Variants in NRCAM observed in about 807,000 individuals in gnomAD.
The protein encoded by NRCAM is neuronal cell adhesion molecule.
Under a neutral mutation model 156.5 loss-of-function variants are expected in NRCAM, and 83 were observed. The observed-to-expected ratio is 0.53, with a 90% CI of 0.44 to 0.64. NRCAM has a LOEUF of 0.64. Ranked by LOEUF, NRCAM falls within the 30% of genes least tolerant of loss-of-function variation. The probability of loss-of-function intolerance (pLI) is 0.00; values close to 1 mark genes in which losing one functional copy is unlikely to be tolerated. For synonymous variants in NRCAM, 538 were observed against 563.9 expected, an observed-to-expected ratio of 0.95 and a Z score of 0.65; for missense variants, 1,417 against 1,597.3, an observed-to-expected ratio of 0.89 and a Z score of 1.92.
At chr7:108,202,409 A>G (rs1170288937) in intron 13 of NRCAM, among the ~76,000 whole-genome samples, 1 of 152,226 alleles carries the variant, frequency 6.6e-6, no homozygotes, top group East Asian at 1.9e-4. Context: ...AAACAGGCTA[A>G]TCATATAGTA....
At chr7:108,282,218 A>G (rs760460726) in intron 3 of NRCAM, among the ~76,000 whole-genome samples, 2 of 152,244 alleles carry the variant, frequency 1.3e-5, no homozygotes, top group Non-Finnish European at 1.5e-5. Context: ...CCAACAGAGA[A>G]TGTAAGCAGG....
intron 2 of NRCAM, among the ~76,000 whole-genome samples, chr7:108,345,916 A>T (rs1432126302): frequency 6.6e-6 from 1 of 152,190 alleles, no homozygotes; most frequent in African/African-American, 2.4e-5. Flanking sequence ...GGAGCCCAGG[A>T]GTCGATGGCA....
intron 1 of NRCAM, among the ~76,000 whole-genome samples, chr7:108,411,886 T>C (rs1388532994): frequency 6.6e-6 from 1 of 152,196 alleles, no homozygotes; most frequent in Non-Finnish European, 1.5e-5. Context: ...TTCGTAACCA[T>C]TCCACTGTTG....
chr7:108,367,043 T>C (rs1440932983), intron 2 of NRCAM, among the ~76,000 whole-genome samples: 1 of 152,224 alleles, frequency 6.6e-6, no homozygotes, highest in Non-Finnish European at 1.5e-5. Context: ...ACACCAAATG[T>C]TAAAATAGCA....
intron 30 of NRCAM, among the ~76,000 whole-genome samples, chr7:108,165,396 G>T (rs2053375420): frequency 6.6e-6 from 1 of 152,150 alleles, no homozygotes; most frequent in African/African-American, 2.4e-5. Flanking sequence ...TTGTTGTAAG[G>T]ACTGAATGAG....
At chr7:108,216,199 G>A (rs562548838) in intron 11 of NRCAM, among the ~76,000 whole-genome samples, 58 of 152,224 alleles carry the variant, frequency 3.8e-4, no homozygotes, top group Middle Eastern at 3.4e-3. Flanking sequence ...ATGAAATTCT[G>A]GGTTGAAAAT....
chr7:108,397,893 T>C lies in NRCAM; in HGVS notation c.-174+1543A>G, dbSNP rs151156438. On this transcript the variant is annotated intron_variant, in intron 2 of 32. Transcript: ENST00000379028. ...TAGGAAGAAAAATCCTAATTTATTA[T>C]GCCAAGAAAATAAGAAGAAATACTA... 3.8e-3 allele frequency among the ~76,000 whole-genome samples: 578 copies of C among 152,174 alleles called. 1 individual carries two copies. Among genetic ancestry groups the C allele is most frequent in the African/African-American group, 0.013 (547 of 41,528 alleles).
At chr7:108,157,713 G>A (rs2046385380) in intron 32 of NRCAM, among the ~76,000 whole-genome samples, 1 of 152,088 alleles carries the variant, frequency 6.6e-6, no homozygotes, top group African/African-American at 2.4e-5. Flanking sequence ...GCAGTTATCT[G>A]GGAAAGTCAC....
At chr7:108,287,063 T>A (rs1269689) in intron 3 of NRCAM, among the ~76,000 whole-genome samples, 142,754 of 152,206 alleles carry the variant, frequency 0.94, 66,994 homozygotes, top group East Asian at 1. Context: ...CGAAGAATCA[T>A]ACTGGACCCC....
chr7:108,187,334 C>G (rs899974206), intron 20 of NRCAM, among the ~76,000 whole-genome samples: 3 of 152,198 alleles, frequency 2.0e-5, no homozygotes, highest in African/African-American at 7.2e-5. Flanking sequence ...TTTCATTTCA[C>G]TGCAGCCACA....
At chr7:108,336,932 T>C (rs1321619473) in intron 2 of NRCAM, among the ~76,000 whole-genome samples, 4 of 152,164 alleles carry the variant, frequency 2.6e-5, no homozygotes, top group African/African-American at 9.6e-5. Flanking sequence ...TAAGAGCAAG[T>C]AATAGTAAAA....
chr7:108,453,985 G>GA (rs761676289), intron 1 of NRCAM, among the ~76,000 whole-genome samples: 8 of 152,092 alleles, frequency 5.3e-5, no homozygotes, highest in Non-Finnish European at 1.2e-4. Flanking sequence ...GACATTCAGG[G>GA]CTGGGGACCT....
chr7:108,418,592 C>T (rs1804855320), intron 1 of NRCAM, among the ~76,000 whole-genome samples: 1 of 151,658 alleles, frequency 6.6e-6, no homozygotes, highest in African/African-American at 2.4e-5. Context: ...CACACACACA[C>T]ACACACACGC....
chr7:108,207,415 C>T (rs1025730331), intron 13 of NRCAM, 113 bp downstream of exon 13: 1 of 1,032,404 alleles, frequency 9.7e-7, no homozygotes, highest in African/African-American at 1.6e-5. Flanking sequence ...GTTTAACATA[C>T]ATGTGGCTTC....
At position 108,306,830 on chromosome 7, in the gene NRCAM, T is replaced by G. The variant is rs374181714; in HGVS notation, c.-107+5835A>C. Among the ~76,000 whole-genome samples, 106 of 152,322 alleles carry G rather than the reference T, an allele frequency of 7.0e-4. 2 individuals carry two copies. Among genetic ancestry groups the G allele is most frequent in the African/African-American group, 2.4e-3 (99 of 41,574 alleles). On this transcript the variant is annotated intron_variant, in intron 3 of 32. Coordinates refer to ENST00000379028, the MANE Select transcript of NRCAM (RefSeq NM_001037132.4). ...CAAGTGAGACTCCAAGTGTACCAAGTGTCTAATGGGCAATCCATTTACACA... is the reference window on the plus strand; with the variant it reads ...CAAGTGAGACTCCAAGTGTACCAAGGGTCTAATGGGCAATCCATTTACACA...
intron 3 of NRCAM, among the ~76,000 whole-genome samples, chr7:108,248,281 T>C (rs1166182296): frequency 6.6e-6 from 1 of 152,150 alleles, no homozygotes; most frequent in South Asian, 2.1e-4. Context: ...AAATAGCATT[T>C]TGAAATGCCA....
chr7:108,305,710 T>C (rs1281167027), intron 3 of NRCAM, among the ~76,000 whole-genome samples: 9 of 152,204 alleles, frequency 5.9e-5, no homozygotes, highest in Admixed American at 3.9e-4. Context: ...CTGCTTCTCT[T>C]TGTTTACCCC....
chr7:108,172,678 A>G (rs2058931925), intron 28 of NRCAM, among the ~76,000 whole-genome samples: 1 of 152,182 alleles, frequency 6.6e-6, no homozygotes, highest in Non-Finnish European at 1.5e-5. Context: ...TAATCCAACA[A>G]AGAAAAGGAC....
intron 1 of NRCAM, among the ~76,000 whole-genome samples, chr7:108,454,725 C>T (rs1006438002): frequency 1.3e-5 from 2 of 152,278 alleles, no homozygotes; most frequent in Non-Finnish European, 2.9e-5. Flanking sequence ...CCAGGACCAC[C>T]CCAGGGGGAG....
Sources: allele counts gnomAD v4.1 joint callset (sites outside exome capture counted in the v4.1 genomes callset), GRCh38; gene constraint gnomAD v4.1.1; transcripts MANE v1.5; gene names NCBI Gene and HGNC (gene_info 2026-07-23, HGNC 2026-07-21).